Variants in KMT5B observed in about 807,000 individuals in gnomAD.
KMT5B encodes the protein histone-lysine N-methyltransferase KMT5B.
Under a neutral mutation model 83.2 loss-of-function variants are expected in KMT5B, and 10 were observed. The ratio of observed to expected loss-of-function variants is 0.12; its 90% CI spans 0.07 to 0.20. The LOEUF (loss-of-function observed/expected upper bound fraction) is 0.20. Ranked by LOEUF, KMT5B falls within the 10% of genes least tolerant of loss-of-function variation. The probability of loss-of-function intolerance (pLI) is 1.00; values close to 1 mark genes in which losing one functional copy is unlikely to be tolerated. For missense variants in KMT5B, 753 were observed against 1,067.2 expected, an observed-to-expected ratio of 0.71 and a Z score of 4.10; for synonymous variants, 349 against 388.8, an observed-to-expected ratio of 0.90 and a Z score of 1.20.
intron 1 of KMT5B, among the ~76,000 whole-genome samples, chr11:68,205,410 T>C (rs1463140008): frequency 6.6e-6 from 1 of 152,216 alleles, no homozygotes; most frequent in South Asian, 2.1e-4. Flanking sequence ...ATTTTGAAAA[T>C]AGAGCCAGCC....
rs745536937 is a variant in KMT5B at position 68,175,066 on chromosome 11, G to C, written c.495C>G (p.His165Gln). The stretch of plus-strand genomic sequence containing the variant: ...GCATTTTATTCTTGTTGAGAAAATA[G>C]TGCCGTGCCCATTCGCCTGAAGTCA... ...KCLTSGEWAR[H>Q]YFLNKNKMQE... is the part of the protein sequence containing the mutation. Residue 165 changes from histidine to glutamine, a missense_variant, in exon 5 of 11, where the codon CAC (histidine) becomes CAG (glutamine). Physicochemically the swap from His to Gln is conservative, Grantham distance 24. Around this residue, in one of 9 missense-constraint regions of KMT5B, gnomAD observed 71 missense variants for 107.0 expected, o/e 0.66. Transcript: ENST00000304363. 1 of 1,613,848 alleles carries C rather than the reference G, an allele frequency of 6.2e-7. No homozygotes were observed. Among genetic ancestry groups the C allele is most frequent in the African/African-American group, 1.3e-5 (1 of 74,900 alleles).
At position 68,171,327 on chromosome 11, in the gene KMT5B, A is replaced by G. The variant is rs1238728830; in HGVS notation, c.821-76T>C. The G allele has an allele frequency of 6.5e-6, 10 of 1,545,012 alleles. 1 individual carries two copies. Among genetic ancestry groups the G allele is most frequent in the African/African-American group, 4.1e-5 (3 of 72,718 alleles). The stretch of plus-strand genomic sequence containing the variant: ...ACACGAACAATTATAGAAATCTGAA[A>G]TAAGCTTTCCATATAACTTTACAAC... On this transcript the variant is annotated intron_variant, in intron 7 of 10. Transcript: ENST00000304363. The surrounding 1 kb of genome is among the most constrained non-coding windows in gnomAD (Gnocchi z 5.1).
chr11:68,193,965 A>G lies in KMT5B; in HGVS notation c.-76-3813T>C, dbSNP rs1481136270. ...CCAGCATGAGCCACCACACTCAGTA[A>G]GAGCAGTGTACTTTTGAGGTATAAA... On this transcript the variant is annotated intron_variant, in intron 1 of 10. Transcript: ENST00000304363. Among the ~76,000 whole-genome samples the G allele has an allele frequency of 5.3e-5, 8 of 151,878 alleles. No homozygotes were observed. The East Asian group carries it at 1.5e-3, about 29-fold the overall frequency.
At chr11:68,203,270 G>A (rs890412626) in intron 1 of KMT5B, among the ~76,000 whole-genome samples, 5 of 152,172 alleles carry the variant, frequency 3.3e-5, no homozygotes, top group African/African-American at 7.2e-5. Context: ...CACCGCACCC[G>A]GCCCCATACA....
intron 1 of KMT5B, among the ~76,000 whole-genome samples, chr11:68,211,596 C>A (rs1363389310): frequency 2.6e-5 from 4 of 152,212 alleles, no homozygotes; most frequent in Non-Finnish European, 5.9e-5. Context: ...TCTGTACCTG[C>A]CCGTGGGCGG....
chr11:68,158,175 T>A lies in KMT5B; in HGVS notation c.2171A>T (p.His724Leu), dbSNP rs1474640095. 13 of 1,614,222 alleles carry A rather than the reference T, an allele frequency of 8.1e-6. No homozygotes were observed. The highest frequency in any genetic ancestry group is 5.0e-5 in the Admixed American group (3 of 60,032). ...GTCATTTGTTTTGCTGCTGCTATCA[T>A]GACGCCTACGAAGAGTCAATTTGGG... ...GIPKLTLRRRHDSSSKTNDQE... is the reference protein window; with the variant it reads ...GIPKLTLRRRLDSSSKTNDQE... Residue 724 changes from histidine to leucine, a missense_variant, in exon 11 of 11, where the codon CAT (histidine) becomes CTT (leucine). Around this residue, in one of 9 missense-constraint regions of KMT5B, gnomAD observed 161 missense variants for 195.1 expected, o/e 0.83. Transcript: ENST00000304363.
rs532485831 is a variant in KMT5B at position 68,205,638 on chromosome 11, T to C, written c.-77+7500A>G. ...ATTCGCAATTCTTTTTTTTTTTTTT[T>C]CAGACGGAGTCTCACTCTGTCCACC... On this transcript the variant is annotated intron_variant, in intron 1 of 10. Coordinates refer to ENST00000304363, the MANE Select transcript of KMT5B (RefSeq NM_017635.5). 2.4e-3 allele frequency among the ~76,000 whole-genome samples: 362 copies of C among 151,616 alleles called. 2 individuals are homozygous for C. The highest frequency in any genetic ancestry group is 8.4e-3 in the African/African-American group (346 of 41,254).
At chr11:68,168,548 C>T (rs1855539337) in intron 9 of KMT5B, among the ~76,000 whole-genome samples, 1 of 152,156 alleles carries the variant, frequency 6.6e-6, no homozygotes, top group Admixed American at 6.6e-5. Context: ...GTTGGCCAGG[C>T]TGGTCTCGAA....
intron 1 of KMT5B, among the ~76,000 whole-genome samples, chr11:68,190,590 C>G (rs981716813): frequency 6.6e-6 from 1 of 152,120 alleles, no homozygotes; most frequent in African/African-American, 2.4e-5. Context: ...TAATCCCGAC[C>G]CTGTGTGGGC....
At chr11:68,212,863 T>C (rs936616333) in intron 1 of KMT5B, 65 of 150,250 alleles carry the variant, frequency 4.3e-4, no homozygotes, top group African/African-American at 1.6e-3. Context: ...GCTCCCCTCG[T>C]GCGGCCGCGG....
At chr11:68,194,189 G>GTTTTTT (rs1160247623) in intron 1 of KMT5B, among the ~76,000 whole-genome samples, 1 of 130,624 alleles carries the variant, frequency 7.7e-6, no homozygotes, top group Admixed American at 7.9e-5. Flanking sequence ...CAAGTACCAA[G>GTTTTTT]TTTTTTTTTT....
intron 3 of KMT5B, among the ~76,000 whole-genome samples, chr11:68,184,307 G>A (rs1240117348): frequency 6.6e-6 from 1 of 152,074 alleles, no homozygotes; most frequent in Admixed American, 6.5e-5. Flanking sequence ...AGAAGGTGGA[G>A]GTTGCAGTGA....
chr11:68,188,966 G>C (rs866528954), intron 2 of KMT5B, among the ~76,000 whole-genome samples: 1 of 152,138 alleles, frequency 6.6e-6, no homozygotes, highest in South Asian at 2.1e-4. Flanking sequence ...CAGGAATTCT[G>C]TCTGGTTTTC....
At chr11:68,207,689 G>A (rs797012134) in intron 1 of KMT5B, among the ~76,000 whole-genome samples, 7 of 151,338 alleles carry the variant, frequency 4.6e-5, no homozygotes, top group East Asian at 2.0e-4. Context: ...TACTCGGGAG[G>A]CTGAGGCAGG....
intron 1 of KMT5B, among the ~76,000 whole-genome samples, chr11:68,199,597 A>G (rs953768511): frequency 3.3e-5 from 5 of 152,190 alleles, no homozygotes; most frequent in Non-Finnish European, 7.3e-5. Context: ...GAGTGACACG[A>G]TCCAACCCAC....
Position 68,160,777 on chromosome 11 carries a change from T to TA in KMT5B, c.1175-1607_1175-1606insT, listed in dbSNP as rs1222383482. Among the ~76,000 whole-genome samples, 44 of 152,090 alleles carry TA rather than the reference T, an allele frequency of 2.9e-4. 1 individual carries two copies. The highest frequency in any genetic ancestry group is 3.2e-3 in the Middle Eastern group (1 of 316). ...ACCTGGCCAATATGGTGAAACCCTG[T>TA]CTCTACTAAAAATACAAAAATTAGT... On this transcript the variant is annotated intron_variant, in intron 10 of 10. Coordinates refer to ENST00000304363, the MANE Select transcript of KMT5B (RefSeq NM_017635.5).
In KMT5B at chr11:68,155,889, C is replaced by T. The variant is rs1478794813; in HGVS notation, c.*1799G>A. 2 of 152,210 alleles carry T rather than the reference C, an allele frequency of 1.3e-5. No individual in the cohort carries two copies. Among genetic ancestry groups the T allele is most frequent in the Admixed American group, 6.5e-5 (1 of 15,280 alleles). 9.4% of individuals were successfully genotyped at this position (152,210 alleles called of 1,614,324 possible). On this transcript the variant is annotated 3_prime_UTR_variant, in exon 11 of 11. Coordinates refer to ENST00000304363, the MANE Select transcript of KMT5B (RefSeq NM_017635.5). ...AGGAGTTCGACTGCACCACAACAAACAAGGATGAGACTATGTAAGACTGCA... is the reference window on the plus strand; with the variant it reads ...AGGAGTTCGACTGCACCACAACAAATAAGGATGAGACTATGTAAGACTGCA...
rs965197404 is a variant in KMT5B, at chr11:68,157,770, C to T, written c.2576G>A (p.Arg859Lys). Residue 859 changes from arginine (R) to lysine (K), a missense_variant, in exon 11 of 11, where the codon AGG becomes AAG. Arg to Lys is a conservative substitution (Grantham distance 26). Coordinates refer to ENST00000304363, the MANE Select transcript of KMT5B (RefSeq NM_017635.5). ...FIPLPPAKRLRLIVGKDSIDI... is the reference protein window; with the variant it reads ...FIPLPPAKRLKLIVGKDSIDI... ...TATAGAGTCTTTTCCAACTATTAAC[C>T]TCAAGCGCTTAGCTGGAGGAAGAGG... 6.2e-7 allele frequency: 1 copy of T among 1,614,038 alleles called. No individual in the cohort carries two copies.
At chr11:68,207,520 C>T (rs1035578121) in intron 1 of KMT5B, among the ~76,000 whole-genome samples, 18 of 151,992 alleles carry the variant, frequency 1.2e-4, no homozygotes, top group African/African-American at 3.9e-4. Context: ...AGGCCAGGCA[C>T]GGTGGCTCAC....
Sources: gnomAD v4.1 joint callset for allele counts (sites outside exome capture counted in the v4.1 genomes callset) on GRCh38, gnomAD v4.1.1 for gene constraint, gnomAD v4.1.1 regional missense constraint, Gnocchi (gnomAD v3.1) non-coding constraint, MANE v1.5 for transcripts, NCBI Gene and HGNC (gene_info 2026-07-23, HGNC 2026-07-21) for gene names.